GCN1: variants seen among roughly 807,000 people sequenced by gnomAD.
GCN1 encodes stalled ribosome sensor GCN1.
Under a neutral mutation model 288.4 loss-of-function variants are expected in GCN1, and 90 were observed. That is an observed-to-expected ratio of 0.31 (90% CI 0.26 to 0.37). The LOEUF (loss-of-function observed/expected upper bound fraction) is 0.37, where lower values mean the gene tolerates loss of function less well. GCN1 is among the 10% of genes least tolerant of loss of function. GCN1 has a pLI of 1.00. For synonymous variants in GCN1, 1,386 were observed against 1,420.2 expected (o/e 0.98, Z 0.54); for missense variants, 2,586 against 3,419.9 (o/e 0.76, Z 6.08).
intron 38 of GCN1, among the ~76,000 whole-genome samples, chr12:120,146,513 T>C (rs1324017977): frequency 1.3e-5 from 2 of 152,026 alleles, no homozygotes; most frequent in Middle Eastern, 3.2e-3. Context: ...TTACAAGCAT[T>C]AGCCACCAAG....
Position 120,155,273 on chromosome 12 carries a change from T to G in GCN1, c.3598A>C (p.Arg1200=), listed in dbSNP as rs1877705558. Residue 1200 remains arginine (R), a synonymous_variant, in exon 30 of 58, where the codon AGG becomes CGG. Coordinates refer to ENST00000300648, the MANE Select transcript of GCN1 (RefSeq NM_006836.2). The surrounding 1 kb of genome is among the most constrained non-coding windows in gnomAD (Gnocchi z 4.9). ...TTTTCCTGGTAAATCTCCATGAGCC[T>G]GCCCATAACCTCCGCCGCCTGCCGC... ...YQRQAAEVMG[R]LMEIYQEKLY... is the part of the protein sequence containing the mutation. The G allele has an allele frequency of 6.2e-7, 1 of 1,614,076 alleles. No individual in the cohort carries two copies. The highest frequency in any genetic ancestry group is 1.3e-5 in the African/African-American group (1 of 74,930).
intron 5 of GCN1, among the ~76,000 whole-genome samples, chr12:120,182,340 A>G (rs1159706312): frequency 1.3e-5 from 2 of 152,086 alleles, no homozygotes; most frequent in African/African-American, 2.4e-5. Flanking sequence ...TCATCAATCA[A>G]TTATACTGAC....
Position 120,175,203 on chromosome 12 carries a change from C to T in GCN1, c.1052G>A (p.Gly351Glu), listed in dbSNP as rs372810069. Residue 351 changes from glycine (G) to glutamate (E), a missense_variant, in exon 12 of 58, where the codon GGA becomes GAA. Gly to Glu is a moderately conservative substitution (Grantham distance 98). Around this residue, in one of 8 missense-constraint regions of GCN1, gnomAD observed 913 missense variants for 1,107.0 expected, o/e 0.82. Transcript: ENST00000300648. ...CTTCTGGGCTACAACAGTTAGTTTT[C>T]CTTCCGAGCCTGAGAAGAGAGACAG... ...HLFAILGGSEGKLTVVAQKMS... is the reference protein window; with the variant it reads ...HLFAILGGSEEKLTVVAQKMS... The T allele has an allele frequency of 1.2e-6, 2 of 1,611,838 alleles. No homozygotes were observed. The highest frequency in any genetic ancestry group is 1.3e-5 in the African/African-American group (1 of 74,796).
rs1014244734 is a variant in GCN1, at chr12:120,144,834, C to T, written c.5157G>A (p.Gly1719=). 6.2e-7 allele frequency: 1 copy of T among 1,614,204 alleles called. No individual in the cohort carries two copies. The highest frequency in any genetic ancestry group is 1.7e-5 in the Admixed American group (1 of 60,030). The change falls in exon 41 of 58, where the codon GGG becomes GGA. Residue 1719 remains glycine, a splice_region_variant and synonymous_variant. Transcript: ENST00000300648. This position sits in a 1 kb window ranked among gnomAD's most constrained non-coding sequence, Gnocchi z 4.7. ...CCAAACCGGCCATGACCTCAGCCAA[C>T]CCTGCAACAAAGGACAGAATGAGTC... The part of the protein sequence containing the change: ...SSVDRSGAAQ[G]LAEVMAGLGV...
intron 47 of GCN1, 68 bp downstream of exon 47, chr12:120,138,255 T>C: frequency 9.2e-7 from 1 of 1,086,178 alleles, no homozygotes; most frequent in Non-Finnish European, 1.4e-6. Context: ...AGAACTGGTC[T>C]TCACTGCAGG....
At position 120,155,173 on chromosome 12, in the gene GCN1, G is replaced by A; in HGVS notation, c.3630+68C>T. The A allele has an allele frequency of 6.5e-7, 1 of 1,543,666 alleles. No homozygotes were observed. Among genetic ancestry groups the A allele is most frequent in the Non-Finnish European group, 9.0e-7 (1 of 1,116,542 alleles). ...CCCGAGATTCCTGTCTGGAGCAGTA[G>A]CGGGGTGAGCAGAGACCCACCCAAC... On this transcript the variant is annotated intron_variant, in intron 30 of 57. Coordinates refer to ENST00000300648, the MANE Select transcript of GCN1 (RefSeq NM_006836.2). The surrounding 1 kb of genome is among the most constrained non-coding windows in gnomAD (Gnocchi z 4.9).
chr12:120,163,490 A>T (rs1215070359), intron 18 of GCN1, among the ~76,000 whole-genome samples: 1 of 152,236 alleles, frequency 6.6e-6, no homozygotes, highest in Non-Finnish European at 1.5e-5. Context: ...GGGGTAAAGA[A>T]GGCACCAGGA....
At chr12:120,170,536 C>T (rs1049548379) in intron 14 of GCN1, among the ~76,000 whole-genome samples, 2 of 152,248 alleles carry the variant, frequency 1.3e-5, no homozygotes, top group African/African-American at 2.4e-5. Context: ...TGGCCAGGTG[C>T]GGTAGCTCAC....
intron 2 of GCN1, among the ~76,000 whole-genome samples, chr12:120,188,328 G>C (rs1401510650): frequency 6.6e-6 from 1 of 151,916 alleles, no homozygotes; most frequent in Non-Finnish European, 1.5e-5. Flanking sequence ...CAGCTACTTG[G>C]GAGGCTGAGG....
At chr12:120,136,940 TCA>T in intron 50 of GCN1, among the ~76,000 whole-genome samples, 1 of 152,120 alleles carries the variant, frequency 6.6e-6, no homozygotes, top group Non-Finnish European at 1.5e-5. Context: ...AACAGGCCTA[TCA>T]CACAGAGAGA....
In GCN1 at chr12:120,138,999, T is replaced by C. The variant is rs553000855; in HGVS notation, c.5995-143A>G. 16 of 646,508 alleles carry C rather than the reference T, an allele frequency of 2.5e-5. 1 individual carries two copies. The highest frequency in any genetic ancestry group is 3.6e-5 in the Non-Finnish European group (14 of 387,748). The allele number at this position is 646,508 out of a possible 1,614,324, so 40.0% of individuals were successfully genotyped here. ...TGACTTGTCTTTTAACTTAACTCTT[T>C]ACTGTGAAATAAAAAAAAGGAGAGA... On this transcript the variant is annotated intron_variant, in intron 45 of 57. Transcript: ENST00000300648.
In GCN1 at chr12:120,147,249, C is replaced by A. The variant is rs1280011996; in HGVS notation, c.4750G>T (p.Ala1584Ser). Residue 1584 changes from alanine to serine, a missense_variant, in exon 38 of 58, where the codon GCC (alanine) becomes TCC (serine). Physicochemically the swap from Ala to Ser is moderately conservative, Grantham distance 99 (BLOSUM62 1). Coordinates refer to ENST00000300648, the MANE Select transcript of GCN1 (RefSeq NM_006836.2). ...ILAIAPVLLD[A>S]LTDPSRKTQK... Reference sequence around the variant, plus strand: ...GTCTTCCTGGAGGGATCCGTCAGGGCATCCAGGAGGACTGGAGCAATGGCT... The same window carrying A: ...GTCTTCCTGGAGGGATCCGTCAGGGAATCCAGGAGGACTGGAGCAATGGCT... 6.2e-7 allele frequency: 1 copy of A among 1,603,834 alleles called. No homozygotes were observed.
chr12:120,187,853 G>C (rs1242795104), intron 2 of GCN1, among the ~76,000 whole-genome samples: 1 of 146,300 alleles, frequency 6.8e-6, no homozygotes, highest in Non-Finnish European at 1.5e-5. Context: ...GAGAGCCAAT[G>C]CTATACGGTA....
rs1877420941 is a variant in GCN1 at position 120,148,158 on chromosome 12, A to T, written c.4726+9T>A. 1.2e-6 allele frequency: 2 copies of T among 1,604,930 alleles called. No individual in the cohort carries two copies. Among genetic ancestry groups the T allele is most frequent in the South Asian group, 2.2e-5 (2 of 89,844 alleles). ...GGTCAGGGCAAGCACCCTCACGGGAAAGGCCTACCCAGGATCTCCGGGTTC... is the reference window on the plus strand; with the variant it reads ...GGTCAGGGCAAGCACCCTCACGGGATAGGCCTACCCAGGATCTCCGGGTTC... On this transcript the variant is annotated intron_variant, in intron 37 of 57. Coordinates refer to ENST00000300648, the MANE Select transcript of GCN1 (RefSeq NM_006836.2).
chr12:120,182,934 C>CA (rs1056569798), intron 5 of GCN1, among the ~76,000 whole-genome samples: 25,685 of 89,424 alleles, frequency 0.29, 3,386 homozygotes, highest in East Asian at 0.61. Flanking sequence ...GACTCCGTCT[C>CA]AAAAAAAAAA....
intron 16 of GCN1, among the ~76,000 whole-genome samples, chr12:120,166,677 C>G (rs1001179837): frequency 6.7e-6 from 1 of 148,666 alleles, no homozygotes; most frequent in Non-Finnish European, 1.5e-5. Flanking sequence ...GCACTCCAGC[C>G]TGGGCGACAG....
chr12:120,178,813 GGAA>G (rs941990532), intron 6 of GCN1, 36 bp downstream of exon 6: 1 of 1,612,458 alleles, frequency 6.2e-7, no homozygotes, highest in African/African-American at 1.3e-5. Flanking sequence ...GGAGTGGCAT[GGAA>G]GAAGCAATGC....
At chr12:120,177,320 C>A in intron 9 of GCN1, 127 bp downstream of exon 9, 1 of 614,580 alleles carries the variant, frequency 1.6e-6, no homozygotes, top group Non-Finnish European at 2.9e-6. Context: ...AAGGTCCCAA[C>A]AAGGTAAACA....
At chr12:120,131,052 G>A in intron 55 of GCN1, 133 bp downstream of exon 55, 5 of 776,336 alleles carry the variant, frequency 6.4e-6, no homozygotes, top group Non-Finnish European at 8.6e-6. Flanking sequence ...CAAGGGCACA[G>A]CAAGTTACTG....
Sources: gnomAD v4.1 joint callset for allele counts (sites outside exome capture counted in the v4.1 genomes callset) on GRCh38, gnomAD v4.1.1 for gene constraint, gnomAD v4.1.1 regional missense constraint, Gnocchi (gnomAD v3.1) non-coding constraint, MANE v1.5 for transcripts, NCBI Gene and HGNC (gene_info 2026-07-23, HGNC 2026-07-21) for gene names.